The following KATNAL2 variants were observed in gnomAD, a reference collection of about 807,000 sequenced individuals.
KATNAL2 encodes the protein katanin p60 ATPase-containing subunit A-like 2.
A neutral mutation model predicts 76.3 loss-of-function variants in KATNAL2; 52 were observed. The ratio of observed to expected loss-of-function variants is 0.68; its 90% CI spans 0.55 to 0.86. The LOEUF is 0.86. Ranked by LOEUF, KATNAL2 falls within the 40% of genes least tolerant of loss-of-function variation. KATNAL2 has a pLI of 0.00. For synonymous variants in KATNAL2, 243 were observed against 244.2 expected, an observed-to-expected ratio of 1.00 and a Z score of 0.05; for missense variants, 660 against 668.9, an observed-to-expected ratio of 0.99 and a Z score of 0.15.
At chr18:47,073,992 G>A (rs2062098973) in intron 13 of KATNAL2, among the ~76,000 whole-genome samples, 1 of 152,106 alleles carries the variant, frequency 6.6e-6, no homozygotes, top group South Asian at 2.1e-4. Flanking sequence ...ACATGTACGG[G>A]TTTTATATTC....
At chr18:47,054,315 A>G in intron 5 of KATNAL2, 81 bp from the exon 6 acceptor site, 1 of 1,250,196 alleles carries the variant, frequency 8.0e-7, no homozygotes, top group Non-Finnish European at 1.2e-6. Flanking sequence ...ACAATGCAAA[A>G]AGGGGAAACA....
chr18:47,070,824 C>A (rs1442993905), intron 13 of KATNAL2, among the ~76,000 whole-genome samples: 2 of 151,974 alleles, frequency 1.3e-5, no homozygotes. Flanking sequence ...TTCTTGTTAC[C>A]CATTCAAGAT....
chr18:46,959,062 C>T (rs548001603), intron 3 of KATNAL2, among the ~76,000 whole-genome samples: 1 of 152,100 alleles, frequency 6.6e-6, no homozygotes, highest in Non-Finnish European at 1.5e-5. Context: ...ATCGCATGGG[C>T]TCCTAAAAAA....
At chr18:47,061,389 T>G (rs2061626498) in intron 8 of KATNAL2, among the ~76,000 whole-genome samples, 1 of 152,134 alleles carries the variant, frequency 6.6e-6, no homozygotes, top group Non-Finnish European at 1.5e-5. Flanking sequence ...GACCTGCTCT[T>G]ATAAACAACC....
At chr18:47,070,243 C>A (rs565273523) in intron 13 of KATNAL2, among the ~76,000 whole-genome samples, 1 of 151,838 alleles carries the variant, frequency 6.6e-6, no homozygotes, top group South Asian at 2.1e-4. Context: ...ATTACAGGTG[C>A]CTGCCACCAC....
intron 1 of KATNAL2, among the ~76,000 whole-genome samples, chr18:46,933,703 A>T (rs968051162): frequency 2.7e-5 from 4 of 149,796 alleles, no homozygotes; most frequent in Admixed American, 6.7e-5. Context: ...GGTTTGTTAC[A>T]TATGTATACA....
intron 15 of KATNAL2, among the ~76,000 whole-genome samples, chr18:47,080,398 C>T (rs1057123232): frequency 1.1e-4 from 17 of 152,122 alleles, no homozygotes; most frequent in Admixed American, 7.2e-4. Context: ...TGTGCAACTA[C>T]CACCACAATC....
intron 1 of KATNAL2, among the ~76,000 whole-genome samples, chr18:46,918,319 C>G (rs1047837599): frequency 6.6e-6 from 1 of 152,162 alleles, no homozygotes; most frequent in African/African-American, 2.4e-5. Context: ...AACCCACACA[C>G]GAGAGGTCTT....
At chr18:46,953,516 G>A (rs1476611314) in intron 3 of KATNAL2, among the ~76,000 whole-genome samples, 1 of 152,194 alleles carries the variant, frequency 6.6e-6, no homozygotes, top group Non-Finnish European at 1.5e-5. Flanking sequence ...CACCACCCCT[G>A]TGTTAGAGGT....
chr18:46,954,619 G>A (rs745429596), intron 3 of KATNAL2, among the ~76,000 whole-genome samples: 11 of 151,726 alleles, frequency 7.2e-5, no homozygotes, highest in African/African-American at 1.2e-4. Context: ...GTGAGCCCCC[G>A]CGCCTGGCAT....
intron 1 of KATNAL2, among the ~76,000 whole-genome samples, chr18:46,936,816 G>A (rs1318792116): frequency 2.0e-5 from 3 of 152,066 alleles, no homozygotes; most frequent in African/African-American, 4.8e-5. Context: ...TTAGCCAAGT[G>A]TGGTGGCGGG....
chr18:47,047,408 A>C (rs1330741356), intron 4 of KATNAL2, among the ~76,000 whole-genome samples: 2 of 152,218 alleles, frequency 1.3e-5, no homozygotes, highest in Non-Finnish European at 2.9e-5. Context: ...TTTCTTAATC[A>C]GTTTTTCTTT....
intron 1 of KATNAL2, among the ~76,000 whole-genome samples, chr18:46,945,036 A>G (rs2059348019): frequency 6.6e-6 from 1 of 152,250 alleles, no homozygotes; most frequent in African/African-American, 2.4e-5. Context: ...AGTGGGAACC[A>G]TAGAACCAGT....
intron 8 of KATNAL2, among the ~76,000 whole-genome samples, chr18:47,062,582 C>A (rs116655232): frequency 6.6e-6 from 1 of 152,132 alleles, no homozygotes; most frequent in East Asian, 1.9e-4. Context: ...GAGTGGTGAA[C>A]GTGTATCACA....
intron 8 of KATNAL2, among the ~76,000 whole-genome samples, chr18:47,062,320 G>A (rs1052565648): frequency 5.9e-5 from 9 of 151,816 alleles, no homozygotes; most frequent in Admixed American, 3.9e-4. Context: ...GAAGTTTAAG[G>A]CTGCGGTGAG....
At chr18:47,098,226 A>AAAG in intron 15 of KATNAL2, 1 of 408,238 alleles carries the variant, frequency 2.4e-6, no homozygotes, top group South Asian at 1.8e-5. Context: ...CGTCTCAAAA[A>AAAG]AAAAAAAAGT....
At chr18:46,935,428 C>CCCACCCT (rs2059058778) in intron 1 of KATNAL2, among the ~76,000 whole-genome samples, 1 of 152,024 alleles carries the variant, frequency 6.6e-6, no homozygotes, top group African/African-American at 2.4e-5. Flanking sequence ...TAAGGAGGTG[C>CCCACCCT]CGCCACCTCT....
At chr18:47,046,906 C>T (rs555060006) in intron 4 of KATNAL2, among the ~76,000 whole-genome samples, 32 of 152,198 alleles carry the variant, frequency 2.1e-4, no homozygotes, top group Non-Finnish European at 3.7e-4. Flanking sequence ...CTGTGCACCA[C>T]CGATTCCTCC....
chr18:46,939,338 T>A (rs1599372418), intron 1 of KATNAL2, among the ~76,000 whole-genome samples: 2 of 142,764 alleles, frequency 1.4e-5, no homozygotes, highest in African/African-American at 2.6e-5. Flanking sequence ...ATCTCACAAT[T>A]AAAAAAAAAA....
Sources: allele counts gnomAD v4.1 joint callset (sites outside exome capture counted in the v4.1 genomes callset), GRCh38; gene constraint gnomAD v4.1.1; transcripts MANE v1.5; gene names NCBI Gene and HGNC (gene_info 2026-07-23, HGNC 2026-07-21).